Variants in KDM4C observed in about 807,000 individuals in gnomAD.
KDM4C encodes the protein lysine-specific demethylase 4C.
Under a neutral mutation model 129.3 loss-of-function variants are expected in KDM4C, and 81 were observed. The observed-to-expected ratio is 0.63, with a 90% CI of 0.52 to 0.75. The LOEUF (loss-of-function observed/expected upper bound fraction) is 0.75. KDM4C is among the 30% of genes least tolerant of loss of function. The probability of loss-of-function intolerance (pLI) is 0.00; values close to 1 mark genes in which losing one functional copy is unlikely to be tolerated. For synonymous variants in KDM4C, 573 were observed against 456.1 expected, an observed-to-expected ratio of 1.26 and a Z score of -3.26; for missense variants, 1,457 against 1,304.0, an observed-to-expected ratio of 1.12 and a Z score of -1.81.
At chr9:6,826,845 C>T (rs574274467) in intron 4 of KDM4C, among the ~76,000 whole-genome samples, 4 of 148,740 alleles carry the variant, frequency 2.7e-5, no homozygotes, top group African/African-American at 1.0e-4. Flanking sequence ...CCAGCCTGGG[C>T]GACAGAGTGA....
chr9:7,074,022 G>T (rs1447759240), intron 17 of KDM4C, among the ~76,000 whole-genome samples: 1 of 152,172 alleles, frequency 6.6e-6, no homozygotes, highest in Admixed American at 6.5e-5. Flanking sequence ...GACAGTTCTA[G>T]ACAGGAATTT....
At chr9:6,813,052 G>A (rs1831449652) in intron 3 of KDM4C, among the ~76,000 whole-genome samples, 1 of 152,064 alleles carries the variant, frequency 6.6e-6, no homozygotes, top group Admixed American at 6.5e-5. Flanking sequence ...GTGCATGCTT[G>A]TAATCCCAGC....
At chr9:7,106,502 A>G (rs1160167370) in intron 18 of KDM4C, among the ~76,000 whole-genome samples, 2 of 152,236 alleles carry the variant, frequency 1.3e-5, no homozygotes, top group East Asian at 1.9e-4. Flanking sequence ...GAAATGAAGT[A>G]TAAACCTACT....
At chr9:6,902,488 G>T (rs192234970) in intron 8 of KDM4C, among the ~76,000 whole-genome samples, 3 of 152,208 alleles carry the variant, frequency 2.0e-5, no homozygotes, top group Admixed American at 6.5e-5. Context: ...TGTGACCTGG[G>T]GCAAATGACA....
chr9:6,787,627 A>G lies in KDM4C; in HGVS notation c.-17-5345A>G, dbSNP rs142512585. ...TTTGTTCAGAATGTATTTGCAATCT[A>G]CAATCTGAGCATTTCCCTCTGCCCA... is the stretch of plus-strand genomic sequence containing the variant. On this transcript the variant is annotated intron_variant, in intron 1 of 21. Coordinates refer to ENST00000381309, the MANE Select transcript of KDM4C (RefSeq NM_015061.6). Among the ~76,000 whole-genome samples, 545 of 152,326 alleles carry G rather than the reference A, an allele frequency of 3.6e-3. 4 individuals carry two copies. Among genetic ancestry groups the G allele is most frequent in the African/African-American group, 0.012 (508 of 41,574 alleles).
intron 1 of KDM4C, among the ~76,000 whole-genome samples, chr9:6,761,701 TGATAA>T (rs1305652078): frequency 2.0e-5 from 3 of 152,220 alleles, no homozygotes; most frequent in Admixed American, 6.5e-5. Flanking sequence ...CTATATTTAG[TGATAA>T]GATAGGTACA....
chr9:7,141,249 C>G (rs1023250828), intron 19 of KDM4C, among the ~76,000 whole-genome samples: 5 of 152,228 alleles, frequency 3.3e-5, no homozygotes, highest in Non-Finnish European at 7.4e-5. Context: ...CCAGTAGAAC[C>G]CCTTTCTCAT....
At chr9:7,073,600 TC>T (rs1171737441) in intron 17 of KDM4C, among the ~76,000 whole-genome samples, 1 of 152,228 alleles carries the variant, frequency 6.6e-6, no homozygotes, top group Admixed American at 6.5e-5. Context: ...TCAGTTATAC[TC>T]CCTGTTTTTT....
chr9:7,055,070 C>T (rs903769423), intron 17 of KDM4C, among the ~76,000 whole-genome samples: 5 of 152,026 alleles, frequency 3.3e-5, no homozygotes, highest in African/African-American at 1.2e-4. Flanking sequence ...ACCAGCTGCT[C>T]GGGAGCCTAT....
At chr9:6,875,173 A>G (rs1158401015) in intron 5 of KDM4C, among the ~76,000 whole-genome samples, 1 of 152,058 alleles carries the variant, frequency 6.6e-6, no homozygotes, top group African/African-American at 2.4e-5. Flanking sequence ...GAGCAGGAAT[A>G]TGGTTTATCA....
chr9:7,007,190 A>G (rs1821830565), intron 12 of KDM4C, among the ~76,000 whole-genome samples: 1 of 152,212 alleles, frequency 6.6e-6, no homozygotes, highest in African/African-American at 2.4e-5. Flanking sequence ...GGTGCCTGGT[A>G]TACTGGGCTT....
Position 6,990,460 on chromosome 9 carries a change from A to T in KDM4C, c.1722A>T (p.Pro574=). 6.2e-7 allele frequency: 1 copy of T among 1,613,682 alleles called. No homozygotes were observed. Among genetic ancestry groups the T allele is most frequent in the Non-Finnish European group, 8.5e-7 (1 of 1,179,914 alleles). The change falls in exon 12 of 22, where the codon CCA becomes CCT. Residue 574 remains proline (P), a synonymous_variant. Transcript: ENST00000381309. The part of the protein sequence containing the change: ...ENKTSKSWRH[P]LSRPPARSPM... ...AAACCTCTAAGAGTTGGCGCCATCCACTTAGCAGGCCTCCAGCAAGATCTC... is the reference window on the plus strand; with the variant it reads ...AAACCTCTAAGAGTTGGCGCCATCCTCTTAGCAGGCCTCCAGCAAGATCTC...
intron 17 of KDM4C, among the ~76,000 whole-genome samples, chr9:7,081,455 C>T (rs58763182): frequency 7.2e-5 from 11 of 152,054 alleles, no homozygotes; most frequent in Admixed American, 6.6e-5. Context: ...CCAAACTCAC[C>T]GTGTGTGAGG....
chr9:6,730,932 A>G (rs1817310840), intron 1 of KDM4C, among the ~76,000 whole-genome samples: 1 of 152,146 alleles, frequency 6.6e-6, no homozygotes, highest in African/African-American at 2.4e-5. Flanking sequence ...TTAGTTTTCA[A>G]TCTTGTGTAC....
chr9:7,021,888 C>G (rs1402681963), intron 15 of KDM4C, among the ~76,000 whole-genome samples: 2 of 152,100 alleles, frequency 1.3e-5, no homozygotes, highest in African/African-American at 4.8e-5. Context: ...TCTAGTTTTC[C>G]CAGCATCATT....
At chr9:6,980,688 A>G (rs818912) in intron 8 of KDM4C, among the ~76,000 whole-genome samples, 1 of 151,982 alleles carries the variant, frequency 6.6e-6, no homozygotes, top group South Asian at 2.1e-4. Flanking sequence ...TTCTTAGTAC[A>G]TAGTTCCCTG....
At position 6,984,358 on chromosome 9, in the gene KDM4C, C is replaced by T. The variant is rs1188476431; in HGVS notation, c.1308C>T (p.Ser436=). Residue 436 remains serine, a synonymous_variant, in exon 10 of 22, where the codon AGC becomes AGT. Transcript: ENST00000381309. ...CTTCAGAAGAAGAGTCATCTGCTAG[C>T]AGGATGCAGGTGGAGCAGAATTTAT... ...EASSEEESSA[S]RMQVEQNLSD... 6.2e-7 allele frequency: 1 copy of T among 1,613,816 alleles called. No individual in the cohort carries two copies. Among genetic ancestry groups the T allele is most frequent in the Admixed American group, 1.7e-5 (1 of 60,004 alleles).
intron 17 of KDM4C, among the ~76,000 whole-genome samples, chr9:7,085,083 T>G (rs969636773): frequency 2.0e-5 from 3 of 152,038 alleles, no homozygotes; most frequent in Non-Finnish European, 1.5e-5. Context: ...AAAGGAAGGG[T>G]GTATTCGAGG....
At chr9:6,764,685 C>T (rs983383785) in intron 1 of KDM4C, among the ~76,000 whole-genome samples, 1 of 152,160 alleles carries the variant, frequency 6.6e-6, no homozygotes, top group African/African-American at 2.4e-5. Context: ...TGCATAAAGC[C>T]TCAAATTTAT....
Sources: allele counts gnomAD v4.1 joint callset (sites outside exome capture counted in the v4.1 genomes callset), GRCh38; gene constraint gnomAD v4.1.1; transcripts MANE v1.5; gene names NCBI Gene and HGNC (gene_info 2026-07-23, HGNC 2026-07-21).